The following TMEM154 variants were observed in gnomAD, a reference collection of about 807,000 sequenced individuals.
TMEM154 encodes transmembrane protein 154.
Under a neutral mutation model 24.5 loss-of-function variants are expected in TMEM154, and 27 were observed. That is an observed-to-expected ratio of 1.10 (90% CI 0.81 to 1.52). The LOEUF is 1.52. Ranked by LOEUF, TMEM154 falls within the 40% of genes most tolerant of loss-of-function variation. TMEM154 has a pLI of 0.00. For missense variants in TMEM154, 228 were observed against 213.4 expected, an observed-to-expected ratio of 1.07 and a Z score of -0.43; for synonymous variants, 67 against 76.8, an observed-to-expected ratio of 0.87 and a Z score of 0.67.
rs1430383853 is a variant in TMEM154, at chr4:152,635,332, A to G, written c.536+5596T>C. ...GAAATATCTCTTATTTTAACAAAATAATAAAAGAGAATGAAAATACATTTT... is the reference window on the plus strand; with the variant it reads ...GAAATATCTCTTATTTTAACAAAATGATAAAAGAGAATGAAAATACATTTT... On this transcript the variant is annotated intron_variant, in intron 6 of 6. Transcript: ENST00000304385. Among the ~76,000 whole-genome samples the G allele has an allele frequency of 3.3e-5, 5 of 152,376 alleles. No individual in the cohort carries two copies. In the East Asian group the frequency reaches 9.6e-4, roughly 29 times the overall value.
chr4:152,631,224 G>T (rs1458577622), intron 6 of TMEM154, among the ~76,000 whole-genome samples: 3 of 151,582 alleles, frequency 2.0e-5, no homozygotes, highest in African/African-American at 7.3e-5. Context: ...TACTCTTTAG[G>T]GAACTATCCT....
At chr4:152,658,919 G>A (rs1728542841) in intron 1 of TMEM154, among the ~76,000 whole-genome samples, 1 of 152,154 alleles carries the variant, frequency 6.6e-6, no homozygotes, top group South Asian at 2.1e-4. Flanking sequence ...TGGTGGGAAT[G>A]TAAATTAGTA....
At chr4:152,654,420 C>T (rs1468566120) in intron 1 of TMEM154, among the ~76,000 whole-genome samples, 1 of 152,230 alleles carries the variant, frequency 6.6e-6, no homozygotes, top group Non-Finnish European at 1.5e-5. Flanking sequence ...AATAGTTCAT[C>T]TATCTTCATA....
chr4:152,639,107 C>T (rs530450831), intron 6 of TMEM154, among the ~76,000 whole-genome samples: 3 of 152,234 alleles, frequency 2.0e-5, no homozygotes, highest in South Asian at 4.1e-4. Context: ...CCCGCCACAA[C>T]GCCTGGCTAA....
chr4:152,657,661 T>C (rs1266626224), intron 1 of TMEM154, among the ~76,000 whole-genome samples: 1 of 152,188 alleles, frequency 6.6e-6, no homozygotes, highest in Non-Finnish European at 1.5e-5. Flanking sequence ...CAGCACATTA[T>C]AGTCAAACTG....
rs368552348 is a variant in TMEM154 at position 152,675,156 on chromosome 4, CAA to C, written c.64+4712_64+4713del. ...TGGGCAGCAGAGCGAGGCTCCATCTCAAAAAAAAAAAAAAAAAAAAAGAATGT... is the reference window on the plus strand; with the variant it reads ...TGGGCAGCAGAGCGAGGCTCCATCTCAAAAAAAAAAAAAAAAAAAGAATGT... On this transcript the variant is annotated intron_variant, in intron 1 of 6. Coordinates refer to ENST00000304385, the MANE Select transcript of TMEM154 (RefSeq NM_152680.3). 1.4e-3 allele frequency among the ~76,000 whole-genome samples: 114 copies of C among 83,152 alleles called. 2 individuals are homozygous for C. In the South Asian group the frequency reaches 0.037, roughly 27 times the overall value. The allele number at this position is 83,152 out of a possible 152,430, so 54.6% of individuals were successfully genotyped here.
At chr4:152,647,207 G>A in intron 3 of TMEM154, 1 of 952,524 alleles carries the variant, frequency 1.0e-6, no homozygotes, top group Non-Finnish European at 1.2e-6. Context: ...GAAACAGTAT[G>A]TCTGCTTCTA....
intron 1 of TMEM154, among the ~76,000 whole-genome samples, chr4:152,661,034 C>T (rs770438742): frequency 3.3e-5 from 5 of 152,074 alleles, no homozygotes; most frequent in Admixed American, 6.6e-5. Context: ...TCTAGACAAT[C>T]GGGAATAAAA....
chr4:152,647,797 G>A (rs1434038878), intron 3 of TMEM154, among the ~76,000 whole-genome samples: 1 of 152,162 alleles, frequency 6.6e-6, no homozygotes, highest in Non-Finnish European at 1.5e-5. Flanking sequence ...TAAGTGATTT[G>A]CCTATATAAA....
chr4:152,646,352 G>A (rs1207970617), intron 3 of TMEM154, among the ~76,000 whole-genome samples: 4 of 152,172 alleles, frequency 2.6e-5, no homozygotes, highest in Non-Finnish European at 5.9e-5. Flanking sequence ...TTTGAAAACA[G>A]AGCAAAAAGC....
At chr4:152,634,868 A>G (rs1277573249) in intron 6 of TMEM154, among the ~76,000 whole-genome samples, 2 of 152,202 alleles carry the variant, frequency 1.3e-5, no homozygotes, top group African/African-American at 2.4e-5. Context: ...AGCAAAATTG[A>G]TATGTATTCA....
chr4:152,676,543 G>A (rs184311043), intron 1 of TMEM154, among the ~76,000 whole-genome samples: 1 of 152,280 alleles, frequency 6.6e-6, no homozygotes, highest in East Asian at 1.9e-4. Flanking sequence ...CACCTTATAA[G>A]GTTGTTCTGA....
chr4:152,633,555 T>A (rs576783481), intron 6 of TMEM154, among the ~76,000 whole-genome samples: 1 of 152,380 alleles, frequency 6.6e-6, no homozygotes, highest in South Asian at 2.1e-4. Flanking sequence ...GTCACAGAAT[T>A]GCAACACATC....
At chr4:152,669,091 CTT>C (rs930125369) in intron 1 of TMEM154, 11 of 152,176 alleles carry the variant, frequency 7.2e-5, no homozygotes, top group Admixed American at 2.0e-4. Context: ...TTAATACAAA[CTT>C]ATTATTTTTT....
At chr4:152,663,184 C>T (rs1579531756) in intron 1 of TMEM154, among the ~76,000 whole-genome samples, 1 of 152,330 alleles carries the variant, frequency 6.6e-6, no homozygotes, top group Middle Eastern at 3.4e-3. Flanking sequence ...TTTTCTTCAT[C>T]CATCACCTGT....
chr4:152,641,731 C>G (rs1579514710), intron 5 of TMEM154, among the ~76,000 whole-genome samples: 1 of 124,820 alleles, frequency 8.0e-6, no homozygotes, highest in South Asian at 2.7e-4. Flanking sequence ...AACTGAAAAA[C>G]AACAAAACGA....
chr4:152,622,879 C>G lies in TMEM154; in HGVS notation c.*5667G>C, dbSNP rs1751863904. The G allele has an allele frequency of 6.6e-6, 1 of 152,170 alleles. No homozygotes were observed. Among genetic ancestry groups the G allele is most frequent in the Non-Finnish European group, 1.5e-5 (1 of 68,034 alleles). The allele number at this position is 152,170 out of a possible 1,614,324, so 9.4% of individuals were successfully genotyped here. ...TGAGACAGAATCTTGCTCTGTCACC[C>G]AGGATGCAGTGCAGTGGCACAATCT... is the stretch of plus-strand genomic sequence containing the variant. On this transcript the variant is annotated 3_prime_UTR_variant, in exon 7 of 7. Coordinates refer to ENST00000304385, the MANE Select transcript of TMEM154 (RefSeq NM_152680.3).
intron 1 of TMEM154, chr4:152,666,231 T>A (rs1344213911): frequency 6.6e-6 from 1 of 152,250 alleles, no homozygotes; most frequent in Non-Finnish European, 1.5e-5. Context: ...TTGCTGTGCA[T>A]CAGCGTCACC....
intron 1 of TMEM154, among the ~76,000 whole-genome samples, chr4:152,655,715 A>G (rs1282440721): frequency 6.6e-6 from 1 of 150,658 alleles, no homozygotes; most frequent in Non-Finnish European, 1.5e-5. Context: ...GCTGCTATAA[A>G]CTGCTGCTGC....
Sources: allele counts gnomAD v4.1 joint callset (sites outside exome capture counted in the v4.1 genomes callset), GRCh38; gene constraint gnomAD v4.1.1; transcripts MANE v1.5; gene names NCBI Gene and HGNC (gene_info 2026-07-23, HGNC 2026-07-21).